Variants in PLEKHA5 observed in about 807,000 individuals in gnomAD.
The protein encoded by PLEKHA5 is pleckstrin homology domain containing A5.
PLEKHA5 carries 55 observed loss-of-function variants against 181.9 expected under a neutral mutation model. That is an observed-to-expected ratio of 0.30 (90% CI 0.24 to 0.38). The LOEUF is 0.38. Among genes scored for constraint, PLEKHA5 ranks in the 10% least tolerant of loss-of-function variants. The pLI, the probability that PLEKHA5 is intolerant of heterozygous loss-of-function variation, is 1.00. For synonymous variants in PLEKHA5, 535 were observed against 529.4 expected (o/e 1.01, Z -0.15); for missense variants, 1,432 against 1,549.5 (o/e 0.92, Z 1.27).
chr12:19,200,480 C>T, intron 3 of PLEKHA5: 3 of 1,389,516 alleles, frequency 2.2e-6, no homozygotes, highest in Admixed American at 5.8e-5. Flanking sequence ...TATCCAGTAG[C>T]TTTCCTATTC....
chr12:19,278,581 G>C (rs1163110215), intron 11 of PLEKHA5, among the ~76,000 whole-genome samples: 1 of 152,122 alleles, frequency 6.6e-6, no homozygotes, highest in Non-Finnish European at 1.5e-5. Context: ...TACTAGGGCA[G>C]TCTCTTTGAT....
At chr12:19,361,479 G>A (rs180923264) in intron 28 of PLEKHA5, 103 bp from the exon 29 acceptor site, 42 of 672,492 alleles carry the variant, frequency 6.2e-5, no homozygotes, top group African/African-American at 4.2e-4. Flanking sequence ...CATCACGCCC[G>A]ACCGTGATTG....
At chr12:19,159,125 T>C (rs959762286) in intron 3 of PLEKHA5, among the ~76,000 whole-genome samples, 22 of 152,320 alleles carry the variant, frequency 1.4e-4, no homozygotes, top group African/African-American at 5.3e-4. Context: ...GAGTTTGTTA[T>C]TGTTTGGTAA....
chr12:19,160,552 T>C (rs2042739420), intron 3 of PLEKHA5, among the ~76,000 whole-genome samples: 1 of 152,156 alleles, frequency 6.6e-6, no homozygotes. Context: ...ACATGTATTC[T>C]TTCAGTTTCC....
intron 3 of PLEKHA5, among the ~76,000 whole-genome samples, chr12:19,183,518 A>T (rs1032099190): frequency 6.6e-6 from 1 of 152,170 alleles, no homozygotes; most frequent in African/African-American, 2.4e-5. Flanking sequence ...GATAATAATG[A>T]ATTTCTCAAA....
At chr12:19,163,953 T>C (rs2043623127) in intron 3 of PLEKHA5, among the ~76,000 whole-genome samples, 1 of 152,142 alleles carries the variant, frequency 6.6e-6, no homozygotes, top group East Asian at 1.9e-4. Flanking sequence ...TTTACTTCCA[T>C]TCTTTCTGTT....
chr12:19,146,956 A>G (rs1201330004), intron 3 of PLEKHA5: 1 of 152,236 alleles, frequency 6.6e-6, no homozygotes, highest in Admixed American at 6.5e-5. Flanking sequence ...TAATAGGCTT[A>G]TGATGTTGTG....
rs1565528834 is a variant in PLEKHA5 at position 19,257,453 on chromosome 12, A to G, written c.453A>G (p.Lys151=). 4.4e-6 allele frequency: 7 copies of G among 1,594,990 alleles called. No homozygotes were observed. The highest frequency in any genetic ancestry group is 6.0e-6 in the Non-Finnish European group (7 of 1,164,630). The change falls in exon 6 of 32, where the codon AAA becomes AAG. Residue 151 remains lysine, a synonymous_variant. Coordinates refer to ENST00000429027, the MANE Select transcript of PLEKHA5 (RefSeq NM_001256470.2). The stretch of plus-strand genomic sequence containing the variant: ...TTTAGACTTCACGAGCTTCAAAAAA[A>G]GTTCATAATTTTGGAAAGAGGTCAA... ...PVGRTSRASK[K]VHNFGKRSNS... is the part of the protein sequence containing the mutation.
In PLEKHA5 at chr12:19,285,820, A is replaced by C. The variant is rs1354108151; in HGVS notation, c.1780-1653A>C. On this transcript the variant is annotated intron_variant, in intron 12 of 31. Coordinates refer to ENST00000429027, the MANE Select transcript of PLEKHA5 (RefSeq NM_001256470.2). ...TTCTTTTACTATTACTTGTGATGAA[A>C]TGGTAAATGCATAAAGCATTTCTAT... is the stretch of plus-strand genomic sequence containing the variant. Among the ~76,000 whole-genome samples, 3 of 152,250 alleles carry C rather than the reference A, an allele frequency of 2.0e-5. No individual in the cohort carries two copies. The East Asian group carries it at 5.8e-4, about 29-fold the overall frequency.
chr12:19,247,755 T>TA (rs1187794806), intron 3 of PLEKHA5, among the ~76,000 whole-genome samples: 131 of 144,156 alleles, frequency 9.1e-4, no homozygotes, highest in Admixed American at 2.4e-3. Flanking sequence ...TTTCTTTTTT[T>TA]AAAAAAAAAA....
At chr12:19,313,335 A>G (rs1157105229) in intron 15 of PLEKHA5, among the ~76,000 whole-genome samples, 1 of 152,200 alleles carries the variant, frequency 6.6e-6, no homozygotes, top group Non-Finnish European at 1.5e-5. Flanking sequence ...TGATAGGGCC[A>G]CTGCATTCCA....
chr12:19,319,722 G>A (rs10161135), intron 16 of PLEKHA5: 175,071 of 219,484 alleles, frequency 0.8, 73,285 homozygotes, highest in Non-Finnish European at 0.92. Flanking sequence ...TGCAGAGGCT[G>A]TGATGTTATC....
chr12:19,298,929 G>A (rs2080693084), intron 15 of PLEKHA5, among the ~76,000 whole-genome samples: 1 of 152,210 alleles, frequency 6.6e-6, no homozygotes, highest in South Asian at 2.1e-4. Flanking sequence ...AACACATAGA[G>A]AAAGTGAGGC....
At chr12:19,223,605 T>C (rs577808853) in intron 3 of PLEKHA5, among the ~76,000 whole-genome samples, 1 of 152,310 alleles carries the variant, frequency 6.6e-6, no homozygotes, top group East Asian at 1.9e-4. Flanking sequence ...TTTTTAGGTA[T>C]GTTGTGAGCT....
chr12:19,201,683 C>T (rs896488268), intron 3 of PLEKHA5: 3 of 152,008 alleles, frequency 2.0e-5, no homozygotes, highest in African/African-American at 7.2e-5. Context: ...AACTTTAAAA[C>T]CTTGATGCTG....
chr12:19,291,641 T>A lies in PLEKHA5; in HGVS notation c.1984-3T>A. On this transcript the variant is annotated splice_region_variant and splice_polypyrimidine_tract_variant and intron_variant, in intron 14 of 31. Transcript: ENST00000429027. ...CCCTTTTTTCTTAATTGGTGCCTAC[T>A]AGAATGAAATTCTTTCACATCATCT... is the stretch of plus-strand genomic sequence containing the variant. 2 of 1,500,080 alleles carry A rather than the reference T, an allele frequency of 1.3e-6. No individual in the cohort carries two copies. Among genetic ancestry groups the A allele is most frequent in the South Asian group, 2.4e-5 (2 of 82,448 alleles). 92.9% of individuals were successfully genotyped at this position (1,500,080 alleles called of 1,614,324 possible). A position where few individuals can be genotyped will look rare whatever the true frequency, so the allele number is the denominator to read the frequency against.
At chr12:19,230,646 C>T (rs1217837652) in intron 3 of PLEKHA5, among the ~76,000 whole-genome samples, 1 of 152,202 alleles carries the variant, frequency 6.6e-6, no homozygotes, top group South Asian at 2.1e-4. Flanking sequence ...CGGCCGGCCA[C>T]TCTGAGTGCG....
intron 8 of PLEKHA5, among the ~76,000 whole-genome samples, chr12:19,267,948 G>A (rs1037292813): frequency 2.6e-5 from 4 of 151,768 alleles, no homozygotes; most frequent in Admixed American, 1.3e-4. Context: ...CAACAAGAGC[G>A]AAACTCTGGC....
At chr12:19,218,545 C>T (rs1443411900) in intron 3 of PLEKHA5, among the ~76,000 whole-genome samples, 1 of 152,046 alleles carries the variant, frequency 6.6e-6, no homozygotes, top group African/African-American at 2.4e-5. Flanking sequence ...GAGATAAGAA[C>T]ATATTAGTCT....
Sources: allele counts gnomAD v4.1 joint callset (sites outside exome capture counted in the v4.1 genomes callset), GRCh38; gene constraint gnomAD v4.1.1; transcripts MANE v1.5; gene names NCBI Gene and HGNC (gene_info 2026-07-23, HGNC 2026-07-21).